Variants in ZNF407 observed in about 807,000 individuals in gnomAD.
ZNF407 encodes the protein zinc finger protein 407.
Under a neutral mutation model 131.2 loss-of-function variants are expected in ZNF407, and 17 were observed. The ratio of observed to expected loss-of-function variants is 0.13; its 90% CI spans 0.09 to 0.19. ZNF407 has a LOEUF of 0.19. ZNF407 is among the 10% of genes least tolerant of loss of function. The pLI is 1.00. For missense variants in ZNF407, 2,681 were observed against 2,830.6 expected, an observed-to-expected ratio of 0.95 and a Z score of 1.20; for synonymous variants, 1,156 against 1,062.0, an observed-to-expected ratio of 1.09 and a Z score of -1.72.
chr18:74,605,657 A>G (rs888006535), intron 1 of ZNF407, among the ~76,000 whole-genome samples: 1 of 152,226 alleles, frequency 6.6e-6, no homozygotes, highest in African/African-American at 2.4e-5. Flanking sequence ...GAAAATATGA[A>G]ATTATATTCT....
intron 1 of ZNF407, among the ~76,000 whole-genome samples, chr18:74,607,839 A>T (rs1982876990): frequency 6.6e-6 from 1 of 152,262 alleles, no homozygotes; most frequent in African/African-American, 2.4e-5. Context: ...GAAATAACAT[A>T]GGTCATTTAT....
intron 3 of ZNF407, among the ~76,000 whole-genome samples, chr18:74,692,353 G>A (rs578248023): frequency 2.6e-5 from 4 of 152,174 alleles, no homozygotes; most frequent in South Asian, 2.1e-4. Context: ...TGTTCCAGCT[G>A]TTTTTCTCCG....
chr18:74,905,974 A>G (rs1971590181), intron 7 of ZNF407: 1 of 152,502 alleles, frequency 6.6e-6, no homozygotes, highest in Non-Finnish European at 1.5e-5. Flanking sequence ...GTAGTGTAAT[A>G]GTGTAATATG....
intron 1 of ZNF407, among the ~76,000 whole-genome samples, chr18:74,601,325 A>ATGTG (rs1426816373): frequency 3.2e-5 from 3 of 95,062 alleles, no homozygotes; most frequent in Non-Finnish European, 6.3e-5. Flanking sequence ...GTGTGTGTGT[A>ATGTG]TGTCTGTGTG....
At chr18:75,026,426 A>G (rs145565685) in intron 8 of ZNF407, among the ~76,000 whole-genome samples, 2 of 152,364 alleles carry the variant, frequency 1.3e-5, no homozygotes, top group African/African-American at 2.4e-5. Context: ...AAGAATGTCA[A>G]GTGAAAATTT....
chr18:75,059,843 G>C (rs6566056), intron 8 of ZNF407, among the ~76,000 whole-genome samples: 146,998 of 152,278 alleles, frequency 0.97, 71,172 homozygotes, highest in East Asian at 1. Context: ...GCCCCTGCCC[G>C]TGGGACCTGC....
chr18:74,964,599 T>G (rs1481483855), intron 8 of ZNF407, among the ~76,000 whole-genome samples: 1 of 151,508 alleles, frequency 6.6e-6, no homozygotes, highest in Non-Finnish European at 1.5e-5. Context: ...TTTTTTTTTT[T>G]TGGGTCTTCT....
chr18:75,054,048 T>C (rs1394851725), intron 8 of ZNF407, among the ~76,000 whole-genome samples: 1 of 152,204 alleles, frequency 6.6e-6, no homozygotes, highest in African/African-American at 2.4e-5. Flanking sequence ...CCTTCCCGAG[T>C]TGCTATCCAC....
rs544004232 is a variant in ZNF407, at chr18:74,913,897, C to T, written c.5250-6617C>T. ...TTCTGTTTATTATTTTAACATACAT[C>T]GCCTTTGAACAGAATAAGAAATTTC... On this transcript the variant is annotated intron_variant, in intron 7 of 8. Transcript: ENST00000299687. 7.2e-5 allele frequency among the ~76,000 whole-genome samples: 11 copies of T among 152,218 alleles called. 1 individual carries two copies. Among genetic ancestry groups the T allele is most frequent in the Admixed American group, 3.9e-4 (6 of 15,294 alleles).
At chr18:74,853,420 T>G (rs1227061570) in intron 4 of ZNF407, among the ~76,000 whole-genome samples, 1 of 152,196 alleles carries the variant, frequency 6.6e-6, no homozygotes, top group Admixed American at 6.5e-5. Flanking sequence ...CAGGAACACA[T>G]CCTGCACCTC....
chr18:74,783,900 C>T (rs548571412), intron 4 of ZNF407, among the ~76,000 whole-genome samples: 2 of 152,220 alleles, frequency 1.3e-5, no homozygotes. Flanking sequence ...ATATGGCACT[C>T]TCTCCTGTTA....
At chr18:74,707,233 G>A (rs564699356) in intron 3 of ZNF407, among the ~76,000 whole-genome samples, 2 of 152,280 alleles carry the variant, frequency 1.3e-5, no homozygotes, top group South Asian at 4.1e-4. Context: ...TTACAGGAGT[G>A]AGTCACCGTA....
intron 1 of ZNF407, among the ~76,000 whole-genome samples, chr18:74,615,482 C>G (rs972363928): frequency 9.9e-5 from 15 of 152,234 alleles, no homozygotes; most frequent in Non-Finnish European, 4.4e-5. Flanking sequence ...TCCAGCCTGG[C>G]GACAGAGTGA....
At chr18:74,620,042 G>A (rs1983453416) in intron 1 of ZNF407, among the ~76,000 whole-genome samples, 1 of 147,148 alleles carries the variant, frequency 6.8e-6, no homozygotes, top group South Asian at 2.1e-4. Flanking sequence ...AAAAAACCCA[G>A]ACAATTAGAT....
chr18:75,050,757 A>G (rs1469955362), intron 8 of ZNF407, among the ~76,000 whole-genome samples: 1 of 152,228 alleles, frequency 6.6e-6, no homozygotes, highest in East Asian at 1.9e-4. Context: ...TGATTTCTCT[A>G]GAAACATCCA....
chr18:74,760,112 C>T (rs1969061751), intron 3 of ZNF407, among the ~76,000 whole-genome samples: 1 of 152,114 alleles, frequency 6.6e-6, no homozygotes, highest in Admixed American at 6.5e-5. Context: ...AGTGACTATT[C>T]TGAATGTATT....
At chr18:74,937,442 T>C (rs1972051289) in intron 8 of ZNF407, among the ~76,000 whole-genome samples, 1 of 152,208 alleles carries the variant, frequency 6.6e-6, no homozygotes, top group African/African-American at 2.4e-5. Context: ...GCCTGTGGTT[T>C]CTGTATAACC....
chr18:74,810,015 T>C (rs547471659), intron 4 of ZNF407, among the ~76,000 whole-genome samples: 42 of 152,204 alleles, frequency 2.8e-4, no homozygotes, highest in Non-Finnish European at 5.0e-4. Flanking sequence ...GAGGAACTCA[T>C]TTTGAGCAGT....
chr18:74,728,263 A>G (rs1968207389), intron 3 of ZNF407, among the ~76,000 whole-genome samples: 1 of 152,210 alleles, frequency 6.6e-6, no homozygotes, highest in African/African-American at 2.4e-5. Context: ...CAAATTCAAG[A>G]CAATCTCAGA....
Sources: allele counts gnomAD v4.1 joint callset (sites outside exome capture counted in the v4.1 genomes callset), GRCh38; gene constraint gnomAD v4.1.1; transcripts MANE v1.5; gene names NCBI Gene and HGNC (gene_info 2026-07-23, HGNC 2026-07-21).